PTPRM: variants seen among roughly 807,000 people sequenced by gnomAD.
The protein encoded by PTPRM is receptor-type tyrosine-protein phosphatase mu.
A neutral mutation model predicts 186.7 loss-of-function variants in PTPRM; 47 were observed. The ratio of observed to expected loss-of-function variants is 0.25; its 90% confidence interval spans 0.20 to 0.32. The LOEUF is 0.32. Among genes scored for constraint, PTPRM ranks in the 10% least tolerant of loss-of-function variants. The pLI, the probability that PTPRM is intolerant of heterozygous loss-of-function variation, is 1.00. For missense variants in PTPRM, 1,494 were observed against 1,865.0 expected (o/e 0.80, Z 3.66); for synonymous variants, 668 against 674.9 (o/e 0.99, Z 0.16).
intron 1 of PTPRM, among the ~76,000 whole-genome samples, chr18:7,703,567 T>C (rs2040011575): frequency 6.6e-6 from 1 of 152,180 alleles, no homozygotes; most frequent in Admixed American, 6.5e-5. Context: ...TTAAGGAGAT[T>C]TTGGGTTGAG....
intron 7 of PTPRM, among the ~76,000 whole-genome samples, chr18:7,960,480 T>TATATATATATATACACAC (rs1300573371): frequency 1.8e-3 from 152 of 86,528 alleles, no homozygotes; most frequent in African/African-American, 6.3e-3. Context: ...TATATATATA[T>TATATATATATATACACAC]ACACACACAC....
At chr18:8,320,365 G>A (rs1672174893) in intron 22 of PTPRM, among the ~76,000 whole-genome samples, 1 of 152,140 alleles carries the variant, frequency 6.6e-6, no homozygotes, top group Non-Finnish European at 1.5e-5. Context: ...CCATTGATGA[G>A]TCATAGCTTA....
chr18:7,579,170 GCAT>G (rs1410907813), intron 1 of PTPRM, among the ~76,000 whole-genome samples: 1 of 152,136 alleles, frequency 6.6e-6, no homozygotes, highest in Non-Finnish European at 1.5e-5. Context: ...GTTAAAATTG[GCAT>G]CATGAAAAGC....
intron 1 of PTPRM, among the ~76,000 whole-genome samples, chr18:7,607,519 C>G (rs1287661988): frequency 6.6e-6 from 1 of 152,178 alleles, no homozygotes; most frequent in African/African-American, 2.4e-5. Flanking sequence ...CACCACAGGC[C>G]TTCTTGTGTG....
chr18:7,835,822 AC>A (rs2046017791), intron 2 of PTPRM, among the ~76,000 whole-genome samples: 1 of 151,010 alleles, frequency 6.6e-6, no homozygotes, highest in Non-Finnish European at 1.5e-5. Context: ...TTATATAGTG[AC>A]CTTCTTTGTC....
At chr18:8,248,671 C>G (rs73394092) in intron 17 of PTPRM, among the ~76,000 whole-genome samples, 3,156 of 152,296 alleles carry the variant, frequency 0.021, 117 homozygotes, top group African/African-American at 0.072. Context: ...TCACAATGGA[C>G]TTCTGGCCCT....
chr18:8,065,064 T>A (rs1051264557), intron 7 of PTPRM, among the ~76,000 whole-genome samples: 2 of 152,112 alleles, frequency 1.3e-5, no homozygotes, highest in African/African-American at 4.8e-5. Flanking sequence ...GGAGCATTGG[T>A]TGTAATCTAT....
chr18:7,712,460 T>G (rs1185757818), intron 1 of PTPRM, among the ~76,000 whole-genome samples: 3 of 152,092 alleles, frequency 2.0e-5, no homozygotes, highest in Non-Finnish European at 4.4e-5. Flanking sequence ...ATGCCTCTTC[T>G]TATTCAAAGG....
At chr18:7,862,224 CTTTA>C (rs565861947) in intron 2 of PTPRM, among the ~76,000 whole-genome samples, 33 of 152,274 alleles carry the variant, frequency 2.2e-4, no homozygotes, top group Admixed American at 1.5e-3. Context: ...TAGTAGGTGT[CTTTA>C]TTTATCAGTG....
intron 7 of PTPRM, among the ~76,000 whole-genome samples, chr18:8,004,745 G>A (rs1600004347): frequency 1.3e-5 from 2 of 152,180 alleles, no homozygotes; most frequent in South Asian, 4.1e-4. Flanking sequence ...CACGAAGCCA[G>A]AAGGAGCCAG....
At chr18:8,378,507 G>A in intron 27 of PTPRM, 93 bp downstream of exon 27, 1 of 1,477,064 alleles carries the variant, frequency 6.8e-7, no homozygotes, top group Non-Finnish European at 9.2e-7. Context: ...TGAATCACAA[G>A]GTTCCTTGGC....
chr18:7,579,864 C>T (rs1037685174), intron 1 of PTPRM, among the ~76,000 whole-genome samples: 3 of 152,112 alleles, frequency 2.0e-5, no homozygotes, highest in African/African-American at 7.2e-5. Flanking sequence ...TTAGGTGCCC[C>T]ATAAGGATGG....
chr18:7,739,669 G>A (rs1022956928), intron 1 of PTPRM, among the ~76,000 whole-genome samples: 3 of 152,148 alleles, frequency 2.0e-5, no homozygotes, highest in South Asian at 2.1e-4. Context: ...TCTCTTATCC[G>A]TTGTATTGCC....
chr18:8,064,693 C>G (rs948357416), intron 7 of PTPRM, among the ~76,000 whole-genome samples: 3 of 152,190 alleles, frequency 2.0e-5, no homozygotes, highest in South Asian at 2.1e-4. Context: ...CCAGCAATTT[C>G]AGCTTGACTG....
chr18:8,220,100 G>A (rs541936873), intron 14 of PTPRM, among the ~76,000 whole-genome samples: 7 of 152,052 alleles, frequency 4.6e-5, no homozygotes, highest in African/African-American at 1.2e-4. Context: ...TTCTTTTACC[G>A]CATGGTACAA....
intron 15 of PTPRM, 99 bp downstream of exon 15, chr18:8,244,308 G>T: frequency 4.1e-6 from 5 of 1,223,962 alleles, no homozygotes; most frequent in South Asian, 1.9e-5. Flanking sequence ...GCTTCCTGAA[G>T]AAATTTTTAT....
At chr18:8,152,028 G>A (rs769892013) in intron 14 of PTPRM, among the ~76,000 whole-genome samples, 2 of 152,084 alleles carry the variant, frequency 1.3e-5, no homozygotes, top group Non-Finnish European at 2.9e-5. Context: ...ATATACCTCA[G>A]TTGGAAATGC....
intron 19 of PTPRM, among the ~76,000 whole-genome samples, chr18:8,293,283 A>G (rs995523424): frequency 6.6e-6 from 1 of 152,340 alleles, no homozygotes; most frequent in Non-Finnish European, 1.5e-5. Flanking sequence ...TAAAATAACT[A>G]TTTTTAAATA....
At chr18:7,632,052 G>A (rs574158164) in intron 1 of PTPRM, among the ~76,000 whole-genome samples, 2 of 152,194 alleles carry the variant, frequency 1.3e-5, no homozygotes, top group East Asian at 1.9e-4. Flanking sequence ...TGCTAGGCAC[G>A]TTGTGCTCAG....
Sources: gnomAD v4.1 joint callset for allele counts (sites outside exome capture counted in the v4.1 genomes callset) on GRCh38, gnomAD v4.1.1 for gene constraint, MANE v1.5 for transcripts, NCBI Gene and HGNC (gene_info 2026-07-23, HGNC 2026-07-21) for gene names.